The following SEZ6L variants were observed in gnomAD, a reference collection of about 807,000 sequenced individuals.
SEZ6L encodes seizure related 6 homolog like.
SEZ6L carries 37 observed loss-of-function variants against 106.2 expected under a neutral mutation model. The ratio of observed to expected loss-of-function variants is 0.35; its 90% confidence interval spans 0.27 to 0.46. The LOEUF is 0.46. SEZ6L is among the 20% of genes least tolerant of loss of function. The pLI is 1.00. For missense variants in SEZ6L, 1,172 were observed against 1,332.8 expected (o/e 0.88, Z 1.88); for synonymous variants, 541 against 570.4 (o/e 0.95, Z 0.73).
intron 9 of SEZ6L, among the ~76,000 whole-genome samples, chr22:26,333,511 G>A (rs369736613): frequency 6.6e-6 from 1 of 151,504 alleles, no homozygotes; most frequent in Non-Finnish European, 1.5e-5. Flanking sequence ...TCCAGTCGGG[G>A]TTAGGGTCCT....
chr22:26,239,427 G>A (rs973453381), intron 1 of SEZ6L, among the ~76,000 whole-genome samples: 3 of 152,218 alleles, frequency 2.0e-5, no homozygotes, highest in African/African-American at 7.2e-5. Context: ...GTTCAATGCT[G>A]TTCACAAAGC....
At position 26,313,823 on chromosome 22, in the gene SEZ6L, G is replaced by A. The variant is rs752901613; in HGVS notation, c.1936G>A (p.Glu646Lys). 4.3e-6 allele frequency: 7 copies of A among 1,613,434 alleles called. No homozygotes were observed. The highest frequency in any genetic ancestry group is 2.2e-5 in the South Asian group (2 of 91,048). The stretch of plus-strand genomic sequence containing the variant: ...GGTGGTATTGTCCCCAAACTGGCCC[G>A]AGCCCTACGTGGAAGGTGAAGATTG... ...AGVVLSPNWP[E>K]PYVEGEDCIW... Residue 646 changes from glutamate (E) to lysine (K), a missense_variant, in exon 9 of 17, where the codon GAG becomes AAG. Glu to Lys is a moderately conservative substitution (Grantham distance 56). This residue lies in a region of SEZ6L where 534 missense variants were observed against 691.0 expected (regional missense o/e 0.77). Transcript: ENST00000248933.
chr22:26,312,860 G>A (rs1405620051), intron 8 of SEZ6L, among the ~76,000 whole-genome samples: 2 of 152,158 alleles, frequency 1.3e-5, no homozygotes, highest in Admixed American at 6.5e-5. Flanking sequence ...ATGAGCCATC[G>A]CACCTGGCCC....
intron 15 of SEZ6L, among the ~76,000 whole-genome samples, chr22:26,377,380 A>G (rs553250567): frequency 6.6e-6 from 1 of 152,324 alleles, no homozygotes; most frequent in African/African-American, 2.4e-5. Flanking sequence ...TTTGCATTCA[A>G]GAGGGACTTG....
At position 26,258,957 on chromosome 22, in the gene SEZ6L, A is replaced by T. The variant is rs139177751; in HGVS notation, c.95-33449A>T. 1.9e-3 allele frequency among the ~76,000 whole-genome samples: 289 copies of T among 152,366 alleles called. 2 individuals carry two copies. Among genetic ancestry groups the T allele is most frequent in the Non-Finnish European group, 2.9e-3 (195 of 68,032 alleles). ...TCTTTTGGAGGGAGAGATTGGAGTCAGGGCAACTAGTGAAGAGACAGCTGT... is the reference window on the plus strand; with the variant it reads ...TCTTTTGGAGGGAGAGATTGGAGTCTGGGCAACTAGTGAAGAGACAGCTGT... On this transcript the variant is annotated intron_variant, in intron 1 of 16. Coordinates refer to ENST00000248933, the MANE Select transcript of SEZ6L (RefSeq NM_021115.5).
intron 1 of SEZ6L, among the ~76,000 whole-genome samples, chr22:26,193,938 G>C (rs1227902402): frequency 6.6e-6 from 1 of 152,186 alleles, no homozygotes; most frequent in African/African-American, 2.4e-5. Flanking sequence ...GAGGCTGGGG[G>C]GAGGTTCTGT....
At chr22:26,342,123 CA>C (rs2145992580) in intron 10 of SEZ6L, among the ~76,000 whole-genome samples, 1 of 152,308 alleles carries the variant, frequency 6.6e-6, no homozygotes, top group South Asian at 2.1e-4. Context: ...ACCTGGGAGA[CA>C]CAGAGGGTAA....
chr22:26,201,166 G>C (rs756031015), intron 1 of SEZ6L, among the ~76,000 whole-genome samples: 3 of 152,020 alleles, frequency 2.0e-5, no homozygotes, highest in African/African-American at 7.2e-5. Context: ...CTCAGAGCCC[G>C]AGCCTCTGGC....
chr22:26,322,734 G>A (rs762736629), intron 9 of SEZ6L, among the ~76,000 whole-genome samples: 5 of 152,154 alleles, frequency 3.3e-5, no homozygotes, highest in Non-Finnish European at 7.3e-5. Context: ...GAAAGAAGGA[G>A]GTTGCACCAA....
At chr22:26,369,346 G>GTTTTTT (rs112358000) in intron 13 of SEZ6L, among the ~76,000 whole-genome samples, 1 of 91,598 alleles carries the variant, frequency 1.1e-5, no homozygotes, top group Non-Finnish European at 2.1e-5. Flanking sequence ...CAGTTCTTTT[G>GTTTTTT]TTTTTTTTTT....
At chr22:26,239,504 C>A (rs570632580) in intron 1 of SEZ6L, among the ~76,000 whole-genome samples, 1 of 152,326 alleles carries the variant, frequency 6.6e-6, no homozygotes, top group African/African-American at 2.4e-5. Context: ...GAAGGAACTG[C>A]AACTAGCGAG....
chr22:26,318,841 A>G (rs1318457172), intron 9 of SEZ6L, among the ~76,000 whole-genome samples: 1 of 152,120 alleles, frequency 6.6e-6, no homozygotes, highest in Admixed American at 6.5e-5. Flanking sequence ...GTAAGGTATG[A>G]TCTATTCCAT....
intron 9 of SEZ6L, among the ~76,000 whole-genome samples, chr22:26,328,676 C>G (rs545208289): frequency 1.1e-4 from 16 of 152,296 alleles, no homozygotes; most frequent in Admixed American, 1.0e-3. Context: ...GCTTGAGCTG[C>G]CCGTGGGGCA....
At chr22:26,292,145 A>AAAGAAAGG (rs948889147) in intron 1 of SEZ6L, 3 of 385,500 alleles carry the variant, frequency 7.8e-6, no homozygotes, top group African/African-American at 6.5e-5. Flanking sequence ...AGAAAGAAAG[A>AAAGAAAGG]AAGGAAGGAA....
At chr22:26,269,319 G>A (rs1040610247) in intron 1 of SEZ6L, among the ~76,000 whole-genome samples, 1 of 152,148 alleles carries the variant, frequency 6.6e-6, no homozygotes, top group Non-Finnish European at 1.5e-5. Context: ...AGATTCTGCT[G>A]CAAGTGGTCT....
chr22:26,176,031 T>C (rs990187266), intron 1 of SEZ6L, among the ~76,000 whole-genome samples: 3 of 152,204 alleles, frequency 2.0e-5, no homozygotes, highest in African/African-American at 7.2e-5. Context: ...TTATAGCAAA[T>C]ATAACACTGC....
At chr22:26,268,704 G>C (rs1442987274) in intron 1 of SEZ6L, among the ~76,000 whole-genome samples, 1 of 152,052 alleles carries the variant, frequency 6.6e-6, no homozygotes. Flanking sequence ...TGCATTGTAG[G>C]ATGTTTAGCA....
chr22:26,383,281 G>T lies in SEZ6L; in HGVS notation c.*2986G>T, dbSNP rs537693503. On this transcript the variant is annotated 3_prime_UTR_variant, in exon 17 of 17. Transcript: ENST00000248933. ...AAGCATCTGCATAATCAGGAGGGTT[G>T]TATAACAAGTAGTGATTTGGCAAAT... 1 of 152,190 alleles carries T rather than the reference G, an allele frequency of 6.6e-6. No individual in the cohort carries two copies. The highest frequency in any genetic ancestry group is 2.1e-4 in the South Asian group (1 of 4,816). The allele number at this position is 152,190 out of a possible 1,614,324, so 9.4% of individuals were successfully genotyped here.
intron 1 of SEZ6L, among the ~76,000 whole-genome samples, chr22:26,200,835 C>T (rs1940892548): frequency 1.3e-5 from 2 of 152,162 alleles, no homozygotes; most frequent in South Asian, 4.1e-4. Flanking sequence ...CCTACAATCG[C>T]TCTCTGCTTG....
Sources: gnomAD v4.1 joint callset for allele counts (sites outside exome capture counted in the v4.1 genomes callset) on GRCh38, gnomAD v4.1.1 for gene constraint, gnomAD v4.1.1 regional missense constraint, MANE v1.5 for transcripts, NCBI Gene and HGNC (gene_info 2026-07-23, HGNC 2026-07-21) for gene names.